Variants in CAPN13 observed in about 807,000 individuals in gnomAD.
CAPN13 encodes the protein calpain 13.
In CAPN13, 90 loss-of-function variants were observed where a neutral mutation model predicts 98.4. The ratio of observed to expected loss-of-function variants is 0.92; its 90% confidence interval spans 0.77 to 1.09. The LOEUF (loss-of-function observed/expected upper bound fraction) is 1.09. Among genes scored for constraint, CAPN13 ranks in the 50% least tolerant of loss-of-function variants. The probability of loss-of-function intolerance (pLI) is 0.00; values close to 1 mark genes in which losing one functional copy is unlikely to be tolerated. For synonymous variants in CAPN13, 330 were observed against 305.5 expected, an observed-to-expected ratio of 1.08 and a Z score of -0.84; for missense variants, 887 against 841.3, an observed-to-expected ratio of 1.05 and a Z score of -0.67.
rs190002714 is a variant in CAPN13 at position 30,761,222 on chromosome 2, G to A, written c.774+1860C>T. Among the ~76,000 whole-genome samples, 515 of 152,312 alleles carry A rather than the reference G, an allele frequency of 3.4e-3. 2 individuals carry two copies. The highest frequency in any genetic ancestry group is 0.011 in the African/African-American group (443 of 41,560). On this transcript the variant is annotated intron_variant, in intron 7 of 22. Transcript: ENST00000295055. ...CATTCTGGGAAGTGTCAGCTACATGGAATGGTGGAGCAGGGATGGATTACA... is the reference window on the plus strand; with the variant it reads ...CATTCTGGGAAGTGTCAGCTACATGAAATGGTGGAGCAGGGATGGATTACA...
intron 2 of CAPN13, 27 bp from the exon 3 acceptor site, chr2:30,777,666 G>C: frequency 2.0e-6 from 3 of 1,515,474 alleles, no homozygotes; most frequent in South Asian, 2.4e-5. Context: ...GAAAAGCTAT[G>C]AACATCGTTT....
intron 14 of CAPN13, 113 bp from the exon 15 acceptor site, chr2:30,742,077 G>T: frequency 1.9e-6 from 2 of 1,079,156 alleles, no homozygotes; most frequent in Non-Finnish European, 2.7e-6. Flanking sequence ...TCTTTATTGG[G>T]CAGTTGGAAA....
chr2:30,751,612 C>A (rs1029482594), intron 10 of CAPN13, among the ~76,000 whole-genome samples: 2 of 152,186 alleles, frequency 1.3e-5, no homozygotes, highest in Non-Finnish European at 2.9e-5. Context: ...ACCACCCAAG[C>A]ACAACTAGAG....
intron 1 of CAPN13, among the ~76,000 whole-genome samples, chr2:30,802,463 A>ATGTG (rs60572949): frequency 0.2 from 28,050 of 139,926 alleles, 2,853 homozygotes; most frequent in East Asian, 0.36. Context: ...GTGTGTGTGT[A>ATGTG]TGTGTGTGTG....
At chr2:30,802,541 C>G in intron 1 of CAPN13, among the ~76,000 whole-genome samples, 1 of 39,228 alleles carries the variant, frequency 2.5e-5, no homozygotes, top group Non-Finnish European at 4.7e-5. Flanking sequence ...GAAAGGCAGG[C>G]TGGGGGGGGG....
At chr2:30,729,309 T>A (rs965594262) in intron 22 of CAPN13, among the ~76,000 whole-genome samples, 3 of 152,144 alleles carry the variant, frequency 2.0e-5, no homozygotes, top group African/African-American at 7.2e-5. Context: ...TAGGCATTAG[T>A]GAAAGAAACT....
intron 7 of CAPN13, among the ~76,000 whole-genome samples, chr2:30,759,048 TTCCTTCCCTCCCTCCCTCCCTCC>T (rs1672661171): frequency 5.3e-5 from 1 of 18,998 alleles, no homozygotes; most frequent in Admixed American, 4.3e-4. Flanking sequence ...CCCTCCTTCC[TTCCTTCCCTCCCTCCCTCCCTCC>T]TCCCTCCCTT....
intron 18 of CAPN13, among the ~76,000 whole-genome samples, chr2:30,736,123 T>A (rs1050529873): frequency 6.6e-6 from 1 of 151,520 alleles, no homozygotes; most frequent in African/African-American, 2.4e-5. Flanking sequence ...GGAGGCCACA[T>A]TGAGGCCTCA....
intron 18 of CAPN13, among the ~76,000 whole-genome samples, chr2:30,734,814 A>G (rs2593435): frequency 0.12 from 18,701 of 151,842 alleles, 1,890 homozygotes; most frequent in African/African-American, 0.28. Context: ...GGGCTCTCCA[A>G]AGAGTTTGCG....
In CAPN13 at chr2:30,738,310, A is replaced by C; in HGVS notation, c.1595-17T>G. On this transcript the variant is annotated splice_polypyrimidine_tract_variant and intron_variant, in intron 16 of 22. Coordinates refer to ENST00000295055, the MANE Select transcript of CAPN13 (RefSeq NM_144575.3). Reference sequence around the variant, plus strand: ...CTGGAGGTCCTGAGGAGAGAAGGACAGGAAGGACTGAAGTGTTGACAGTGG... The same window carrying C: ...CTGGAGGTCCTGAGGAGAGAAGGACCGGAAGGACTGAAGTGTTGACAGTGG... The C allele has an allele frequency of 6.2e-7, 1 of 1,613,930 alleles. No individual in the cohort carries two copies. The highest frequency in any genetic ancestry group is 8.5e-7 in the Non-Finnish European group (1 of 1,179,846).
intron 17 of CAPN13, 74 bp from the exon 18 acceptor site, chr2:30,736,645 G>T (rs1170474095): frequency 1.4e-6 from 2 of 1,379,378 alleles, no homozygotes; most frequent in Non-Finnish European, 2.1e-6. Context: ...AACAAAGCCA[G>T]AGCAGGCCCA....
At chr2:30,737,101 G>T (rs1248789005) in intron 17 of CAPN13, 1 of 154,778 alleles carries the variant, frequency 6.5e-6, no homozygotes, top group Non-Finnish European at 1.4e-5. Context: ...GAAGAAGGCT[G>T]AAAGAGACCT....
At chr2:30,780,113 C>A (rs931139479) in intron 2 of CAPN13, among the ~76,000 whole-genome samples, 3 of 152,166 alleles carry the variant, frequency 2.0e-5, no homozygotes, top group African/African-American at 7.2e-5. Flanking sequence ...AGACTAACAG[C>A]CTTGGAATAG....
At position 30,743,486 on chromosome 2, in the gene CAPN13, T is replaced by A; in HGVS notation, c.1342A>T (p.Thr448Ser). ...NNKFRRNFTM[T>S]YHLSPGNYVV... ...TAGTTCCCAGGGCTCAGATGGTAAG[T>A]CATGGTGAAGTTGCGGCGGAATTTA... The change falls in exon 13 of 23, where the codon ACT becomes TCT. Residue 448 changes from threonine to serine, a missense_variant. By Grantham distance (58) the Thr-to-Ser change is moderately conservative. Transcript: ENST00000295055. 1.2e-6 allele frequency: 2 copies of A among 1,613,922 alleles called. No homozygotes were observed. The highest frequency in any genetic ancestry group is 1.7e-6 in the Non-Finnish European group (2 of 1,179,846).
At chr2:30,767,730 G>T (rs1366850271) in intron 5 of CAPN13, among the ~76,000 whole-genome samples, 1 of 152,176 alleles carries the variant, frequency 6.6e-6, no homozygotes, top group Non-Finnish European at 1.5e-5. Context: ...TTTTTCACAA[G>T]TTTGCCTCAA....
At chr2:30,755,195 G>A (rs1672382583) in intron 8 of CAPN13, among the ~76,000 whole-genome samples, 1 of 151,308 alleles carries the variant, frequency 6.6e-6, no homozygotes, top group Non-Finnish European at 1.5e-5. Flanking sequence ...TCTCAGTTCT[G>A]TAACCTGCTC....
Position 30,763,150 on chromosome 2 carries a change from C to T in CAPN13, c.706G>A (p.Asp236Asn). 1 of 1,610,780 alleles carries T rather than the reference C, an allele frequency of 6.2e-7. No homozygotes were observed. The highest frequency in any genetic ancestry group is 1.1e-5 in the South Asian group (1 of 89,786). ...CCATTCTCCATCGCCTGTGCTGTATCTGTTGGCTTCAAGGCAGAAAAGCAG... is the reference window on the plus strand; with the variant it reads ...CCATTCTCCATCGCCTGTGCTGTATTTGTTGGCTTCAAGGCAGAAAAGCAG... ...ITCATPSGPT[D>N]TAQAMENGLV... The change falls in exon 7 of 23, where the codon GAT (aspartate) becomes AAT (asparagine). Residue 236 changes from aspartate to asparagine, a missense_variant. Physicochemically the swap from Asp to Asn is conservative, Grantham distance 23 (BLOSUM62 1). Transcript: ENST00000295055.
At chr2:30,800,606 T>G (rs1009324382) in intron 1 of CAPN13, among the ~76,000 whole-genome samples, 1 of 152,384 alleles carries the variant, frequency 6.6e-6, no homozygotes, top group South Asian at 2.1e-4. Flanking sequence ...CTCGCACTTC[T>G]AAGTGCTTTT....
At chr2:30,726,146 A>G (rs1185945642) in intron 22 of CAPN13, among the ~76,000 whole-genome samples, 1 of 152,262 alleles carries the variant, frequency 6.6e-6, no homozygotes, top group African/African-American at 2.4e-5. Context: ...CAAACAAGAC[A>G]TACCCAGGCT....
Sources: gnomAD v4.1 joint callset for allele counts (sites outside exome capture counted in the v4.1 genomes callset) on GRCh38, gnomAD v4.1.1 for gene constraint, MANE v1.5 for transcripts, NCBI Gene and HGNC (gene_info 2026-07-23, HGNC 2026-07-21) for gene names.